The following DNTTIP1 variants were observed in gnomAD, a reference collection of about 807,000 sequenced individuals.
DNTTIP1 encodes deoxynucleotidyltransferase terminal interacting protein 1.
A neutral mutation model predicts 52.9 loss-of-function variants in DNTTIP1; 22 were observed. The ratio of observed to expected loss-of-function variants is 0.42; its 90% CI spans 0.30 to 0.59. The LOEUF (loss-of-function observed/expected upper bound fraction) is 0.59. Among genes scored for constraint, DNTTIP1 ranks in the 20% least tolerant of loss-of-function variants. The pLI, the probability that DNTTIP1 is intolerant of heterozygous loss-of-function variation, is 0.22. For missense variants in DNTTIP1, 286 were observed against 435.5 expected, an observed-to-expected ratio of 0.66 and a Z score of 3.06; for synonymous variants, 136 against 155.1, an observed-to-expected ratio of 0.88 and a Z score of 0.92.
intron 4 of DNTTIP1, among the ~76,000 whole-genome samples, chr20:45,799,889 C>T (rs914799663): frequency 1.3e-4 from 19 of 149,364 alleles, no homozygotes; most frequent in Admixed American, 2.7e-4. Context: ...GGGCAGATCA[C>T]GAGGTCAGAA....
intron 5 of DNTTIP1, 114 bp from the exon 6 acceptor site, chr20:45,801,288 C>A (rs1273668692): frequency 3.5e-6 from 5 of 1,432,034 alleles, no homozygotes; most frequent in Non-Finnish European, 4.9e-6. Flanking sequence ...GCTTCTTTGG[C>A]CTGGGTCAGA....
At chr20:45,801,606 TAGTGAGACC>T in intron 6 of DNTTIP1, 148 bp downstream of exon 6, 1 of 772,374 alleles carries the variant, frequency 1.3e-6, no homozygotes, top group South Asian at 1.7e-5. Flanking sequence ...CTGGGTAACA[TAGTGAGACC>T]CTGTCTCTAA....
chr20:45,792,631 CCA>C (rs1050757698), intron 1 of DNTTIP1, 44 bp from the exon 2 acceptor site: 7 of 1,497,458 alleles, frequency 4.7e-6, no homozygotes, highest in South Asian at 2.5e-5. Flanking sequence ...CCACCCCACC[CCA>C]GTGTCACAGG....
chr20:45,806,391 T>G, intron 10 of DNTTIP1, among the ~76,000 whole-genome samples: 1 of 148,442 alleles, frequency 6.7e-6, no homozygotes, highest in Admixed American at 6.7e-5. Context: ...CAAGGCAGGG[T>G]CCTGTGCCTT....
At chr20:45,793,437 C>T (rs1981112416) in intron 2 of DNTTIP1, among the ~76,000 whole-genome samples, 1 of 152,158 alleles carries the variant, frequency 6.6e-6, no homozygotes, top group African/African-American at 2.4e-5. Context: ...CGGTGGCTCA[C>T]GCCTGTAATC....
At chr20:45,793,414 A>T (rs1037675650) in intron 2 of DNTTIP1, among the ~76,000 whole-genome samples, 1 of 120,550 alleles carries the variant, frequency 8.3e-6, no homozygotes, top group Non-Finnish European at 1.7e-5. Flanking sequence ...AATAACAAAA[A>T]ATTGGCCGGG....
rs1981540569 is a variant in DNTTIP1 at position 45,803,505 on chromosome 20, C to T, written c.603+127C>T. On this transcript the variant is annotated intron_variant, in intron 8 of 12. Coordinates refer to ENST00000372622, the MANE Select transcript of DNTTIP1 (RefSeq NM_052951.3). The stretch of plus-strand genomic sequence containing the variant: ...GCACACCATTCCAGAGCCATCTGCC[C>T]CTCTCCACCTCCAGCCACACTGGCC... 3 of 949,666 alleles carry T rather than the reference C, an allele frequency of 3.2e-6. No homozygotes were observed. In the Admixed American group the frequency reaches 7.5e-5, roughly 24 times the overall value. The allele number at this position is 949,666 out of a possible 1,614,324, so 58.8% of individuals were successfully genotyped here.
At position 45,795,456 on chromosome 20, in the gene DNTTIP1, G is replaced by A. The variant is rs774196148; in HGVS notation, c.372+13G>A. On this transcript the variant is annotated intron_variant, in intron 4 of 12. Coordinates refer to ENST00000372622, the MANE Select transcript of DNTTIP1 (RefSeq NM_052951.3). ...CTGCCTGGAGCAGGTGAGACCAAAGGGGACAAGAGATGCAGGCACAAGGTT... is the reference window on the plus strand; with the variant it reads ...CTGCCTGGAGCAGGTGAGACCAAAGAGGACAAGAGATGCAGGCACAAGGTT... 5.8e-6 allele frequency: 9 copies of A among 1,558,062 alleles called. 1 individual carries two copies. In the East Asian group the frequency reaches 6.9e-5, roughly 12 times the overall value.
intron 7 of DNTTIP1, 23 bp from the exon 8 acceptor site, chr20:45,803,310 C>T: frequency 6.2e-7 from 1 of 1,613,854 alleles, no homozygotes; most frequent in Non-Finnish European, 8.5e-7. Context: ...GAGAATTCAC[C>T]TTTATTCTTT....
rs201221160 is a variant in DNTTIP1, at chr20:45,802,008, C to T, written c.508C>T (p.Arg170Trp). 2.2e-5 allele frequency: 36 copies of T among 1,614,128 alleles called. No individual in the cohort carries two copies. Among genetic ancestry groups the T allele is most frequent in the Non-Finnish European group, 2.9e-5 (34 of 1,180,028 alleles). ...CTGTTTTTTGTGGCAGAGGAAAGGACGGCCTCCTGGACACATCCTGTCAAG... is the reference window on the plus strand; with the variant it reads ...CTGTTTTTTGTGGCAGAGGAAAGGATGGCCTCCTGGACACATCCTGTCAAG... ...GSPLPKKRKG[R>W]PPGHILSSDR... The change falls in exon 7 of 13, where the codon CGG becomes TGG. Residue 170 changes from arginine to tryptophan, a missense_variant. Physicochemically the swap from Arg to Trp is moderately radical, Grantham distance 101 (BLOSUM62 -3). Coordinates refer to ENST00000372622, the MANE Select transcript of DNTTIP1 (RefSeq NM_052951.3).
intron 4 of DNTTIP1, chr20:45,796,316 C>G (rs1833535550): frequency 2.7e-6 from 1 of 366,578 alleles, no homozygotes. Flanking sequence ...CATTGTACAC[C>G]TTGAATATAT....
chr20:45,803,240 G>C (rs1981530082), intron 7 of DNTTIP1, 93 bp from the exon 8 acceptor site: 1 of 1,232,466 alleles, frequency 8.1e-7, no homozygotes, highest in East Asian at 2.4e-5. Flanking sequence ...TAAAGTGAGA[G>C]TGTGTGAGGA....
At chr20:45,804,182 A>G (rs1981563139) in intron 8 of DNTTIP1, among the ~76,000 whole-genome samples, 1 of 152,190 alleles carries the variant, frequency 6.6e-6, no homozygotes, top group South Asian at 2.1e-4. Context: ...TAGGCATTTC[A>G]GACTCAGCAT....
At chr20:45,803,110 T>C (rs2145703135) in intron 7 of DNTTIP1, 1 of 516,858 alleles carries the variant, frequency 1.9e-6, no homozygotes, top group East Asian at 3.1e-5. Context: ...TCAGAGGTTC[T>C]TGGAGTTGCT....
chr20:45,797,473 T>A (rs201904814), intron 4 of DNTTIP1, among the ~76,000 whole-genome samples: 15 of 151,946 alleles, frequency 9.9e-5, no homozygotes, highest in Admixed American at 9.2e-4. Context: ...AAGCCAAAAT[T>A]GACAAATGGG....
At chr20:45,792,475 T>G in intron 1 of DNTTIP1, 1 of 506,922 alleles carries the variant, frequency 2.0e-6, no homozygotes, top group Non-Finnish European at 3.5e-6. Context: ...GAAGGCAGGG[T>G]CGGGACTTTT....
At chr20:45,807,219 T>C (rs1981679234) in intron 10 of DNTTIP1, among the ~76,000 whole-genome samples, 1 of 151,822 alleles carries the variant, frequency 6.6e-6, no homozygotes, top group Admixed American at 6.6e-5. Flanking sequence ...ACCTCCTGGG[T>C]TCAAGCAATT....
At chr20:45,802,552 G>A (rs74325150) in intron 7 of DNTTIP1, among the ~76,000 whole-genome samples, 1,733 of 151,986 alleles carry the variant, frequency 0.011, 40 homozygotes, top group African/African-American at 0.04. Context: ...GACATATCCC[G>A]TATACTCCCT....
chr20:45,807,453 G>A (rs1040741904), intron 10 of DNTTIP1, among the ~76,000 whole-genome samples: 31 of 152,100 alleles, frequency 2.0e-4, no homozygotes, highest in Admixed American at 2.0e-3. Context: ...GTGATTATAA[G>A]TATCTTTTCA....
Sources: allele counts gnomAD v4.1 joint callset (sites outside exome capture counted in the v4.1 genomes callset), GRCh38; gene constraint gnomAD v4.1.1; transcripts MANE v1.5; gene names NCBI Gene and HGNC (gene_info 2026-07-23, HGNC 2026-07-21).